Variants in PNPLA7 observed in about 807,000 individuals in gnomAD.
The protein encoded by PNPLA7 is patatin-like phospholipase domain-containing protein 7.
In PNPLA7, 153 loss-of-function variants were observed where a neutral mutation model predicts 161.7. The ratio of observed to expected loss-of-function variants is 0.95; its 90% confidence interval spans 0.83 to 1.08. The LOEUF is 1.08. Ranked by LOEUF, PNPLA7 falls within the 50% of genes least tolerant of loss-of-function variation. The pLI is 0.00. For missense variants in PNPLA7, 1,739 were observed against 1,856.6 expected, an observed-to-expected ratio of 0.94 and a Z score of 1.16; for synonymous variants, 809 against 782.1, an observed-to-expected ratio of 1.03 and a Z score of -0.57.
Position 137,461,558 on chromosome 9 carries a change from G to A in PNPLA7, c.3819C>T (p.Pro1273=), listed in dbSNP as rs144146476. 4.4e-4 allele frequency: 714 copies of A among 1,612,506 alleles called. 1 individual carries two copies. Among genetic ancestry groups the A allele is most frequent in the Non-Finnish European group, 5.5e-4 (644 of 1,179,572 alleles). ...CACCATCCACCATGGCGGGCTTGGC[G>A]GGCTCAATGCGAGACACAATTTCGG... ...DLAEIVSRIE[P]AKPAMVDDES... The change falls in exon 33 of 35, where the codon CCC becomes CCT. Residue 1273 remains proline, a synonymous_variant. Coordinates refer to ENST00000406427, the MANE Select transcript of PNPLA7 (RefSeq NM_001098537.3).
chr9:137,474,304 A>C (rs1831840802), intron 25 of PNPLA7, among the ~76,000 whole-genome samples: 1 of 152,120 alleles, frequency 6.6e-6, no homozygotes, highest in Non-Finnish European at 1.5e-5. Flanking sequence ...CAGAAAACCA[A>C]CCAACTGTGC....
intron 8 of PNPLA7, among the ~76,000 whole-genome samples, chr9:137,536,046 A>C (rs1835869313): frequency 6.7e-6 from 1 of 149,222 alleles, no homozygotes; most frequent in Non-Finnish European, 1.5e-5. Context: ...CCAGCTACTC[A>C]GGAGGCTGAG....
chr9:137,519,903 G>T lies in PNPLA7; in HGVS notation c.1084+14C>A. 6.2e-7 allele frequency: 1 copy of T among 1,609,928 alleles called. No homozygotes were observed. The highest frequency in any genetic ancestry group is 8.5e-7 in the Non-Finnish European group (1 of 1,178,476). ...CTGGGGCTGGACATTGCCCTCCTTG[G>T]TGCAGGACAGTACCTGAGTCACAGG... is the stretch of plus-strand genomic sequence containing the variant. On this transcript the variant is annotated intron_variant, in intron 11 of 34. Coordinates refer to ENST00000406427, the MANE Select transcript of PNPLA7 (RefSeq NM_001098537.3).
At position 137,523,269 on chromosome 9, in the gene PNPLA7, T is replaced by C. The variant is rs113061163; in HGVS notation, c.748-412A>G. On this transcript the variant is annotated intron_variant, in intron 8 of 34. Coordinates refer to ENST00000406427, the MANE Select transcript of PNPLA7 (RefSeq NM_001098537.3). This position sits in a 1 kb window ranked among gnomAD's most constrained non-coding sequence, Gnocchi z 4.4. ...CAGACACCAACCTGAGCGGGCTTCC[T>C]AAAAAGGCCACCGAGAGGGTCAGGA... is the stretch of plus-strand genomic sequence containing the variant. Among the ~76,000 whole-genome samples, 237 of 151,986 alleles carry C rather than the reference T, an allele frequency of 1.6e-3. 2 individuals are homozygous for C. Among genetic ancestry groups the C allele is most frequent in the African/African-American group, 5.5e-3 (226 of 41,450 alleles).
At chr9:137,529,294 C>A (rs1023978919) in intron 8 of PNPLA7, among the ~76,000 whole-genome samples, 1 of 152,236 alleles carries the variant, frequency 6.6e-6, no homozygotes, top group Non-Finnish European at 1.5e-5. Flanking sequence ...TTCGCCCAGG[C>A]CAACCTTCTG....
At chr9:137,498,769 A>G (rs1833211422) in intron 16 of PNPLA7, among the ~76,000 whole-genome samples, 1 of 151,944 alleles carries the variant, frequency 6.6e-6, no homozygotes, top group African/African-American at 2.4e-5. Flanking sequence ...GTCGAGGGTG[A>G]GGGCTGCAGC....
chr9:137,479,246 G>T lies in PNPLA7; in HGVS notation c.2581-8C>A. 1 of 1,522,574 alleles carries T rather than the reference G, an allele frequency of 6.6e-7. No homozygotes were observed. 94.3% of individuals were successfully genotyped at this position (1,522,574 alleles called of 1,614,324 possible). On this transcript the variant is annotated splice_region_variant and splice_polypyrimidine_tract_variant and intron_variant, in intron 23 of 34. Coordinates refer to ENST00000406427, the MANE Select transcript of PNPLA7 (RefSeq NM_001098537.3). The stretch of plus-strand genomic sequence containing the variant: ...CTCCAGCATCCGCTCCAGCTGAAAG[G>T]CAGAGCCCACGTGTCTGCCAGCCGG...
chr9:137,509,500 C>T (rs146922733), intron 12 of PNPLA7: 12 of 235,822 alleles, frequency 5.1e-5, no homozygotes, highest in African/African-American at 2.1e-4. Flanking sequence ...GTTTAGCCGG[C>T]GTGAGTGAGT....
chr9:137,469,175 G>A (rs371689262), intron 25 of PNPLA7, among the ~76,000 whole-genome samples: 1 of 152,226 alleles, frequency 6.6e-6, no homozygotes, highest in Non-Finnish European at 1.5e-5. Flanking sequence ...CAATGAGTGG[G>A]TCTAACGGCA....
In PNPLA7 at chr9:137,495,039, G is replaced by C; in HGVS notation, c.2121C>G (p.Tyr707Ter). ...AGALTSIKRR[Y>*]PQVVTRLIHL... ...TCACCCACGCCATGCTCACCTGTGG[G>C]TACCTGCGCTTGATGGACGTGAGGG... Residue 707 changes from tyrosine (Y) to a stop codon, truncating the protein, a stop_gained, in exon 19 of 35, where the codon TAC (tyrosine) becomes TAG (stop). Coordinates refer to ENST00000406427, the MANE Select transcript of PNPLA7 (RefSeq NM_001098537.3). LOFTEE classifies it high-confidence loss of function. 6.2e-7 allele frequency: 1 copy of C among 1,608,974 alleles called. No individual in the cohort carries two copies. Among genetic ancestry groups the C allele is most frequent in the Non-Finnish European group, 8.5e-7 (1 of 1,178,292 alleles).
At chr9:137,531,972 G>A (rs1480663676) in intron 8 of PNPLA7, among the ~76,000 whole-genome samples, 1 of 152,166 alleles carries the variant, frequency 6.6e-6, no homozygotes, top group African/African-American at 2.4e-5. Context: ...CTGCTATGTT[G>A]TCTGGGCTGG....
chr9:137,501,561 G>T, intron 15 of PNPLA7, 89 bp downstream of exon 15: 1 of 1,281,930 alleles, frequency 7.8e-7, no homozygotes, highest in Non-Finnish European at 1.1e-6. Flanking sequence ...AGTCACTGGT[G>T]TCCAGTCCAG....
In PNPLA7 at chr9:137,520,052, CAAG is replaced by C; in HGVS notation, c.958-12_958-10del. 1 of 1,611,850 alleles carries C rather than the reference CAAG, an allele frequency of 6.2e-7. No individual in the cohort carries two copies. Among genetic ancestry groups the C allele is most frequent in the Non-Finnish European group, 8.5e-7 (1 of 1,179,752 alleles). ...GGGATGGCCTGGCTCTCCTGGGACA[CAAG>C]AAGGAAGTTCAGTGCCACCCCAGGA... On this transcript the variant is annotated splice_polypyrimidine_tract_variant and intron_variant, in intron 10 of 34. Coordinates refer to ENST00000406427, the MANE Select transcript of PNPLA7 (RefSeq NM_001098537.3). The surrounding 1 kb of genome is among the most constrained non-coding windows in gnomAD (Gnocchi z 5.2).
intron 23 of PNPLA7, chr9:137,479,952 A>C (rs1832130236): frequency 2.1e-6 from 2 of 942,448 alleles, no homozygotes; most frequent in South Asian, 4.9e-5. Flanking sequence ...AACAGGAACG[A>C]CGCCGACACC....
intron 1 of PNPLA7, among the ~76,000 whole-genome samples, chr9:137,548,064 A>G (rs945071889): frequency 1.3e-5 from 2 of 152,166 alleles, no homozygotes. Flanking sequence ...TTCTGAGAAC[A>G]TTCAACACCA....
intron 26 of PNPLA7, 185 bp from the exon 27 acceptor site, chr9:137,464,641 G>A (rs1831382673): frequency 6.6e-6 from 4 of 610,540 alleles, no homozygotes; most frequent in Admixed American, 2.8e-5. Context: ...GCTGGTGGTC[G>A]CCCCAGGGCC....
Position 137,497,287 on chromosome 9 carries a change from G to A in PNPLA7, c.1913C>T (p.Thr638Met), listed in dbSNP as rs146316175. Reference protein sequence around the residue: ...IYRQGDKSDCTYIMLSGRLRS... With the variant: ...IYRQGDKSDCMYIMLSGRLRS... ...CAGCCGGCCGCTGAGCATGATGTACGTGCAGTCGGACTTGTCCCCCTGCCT... is the reference window on the plus strand; with the variant it reads ...CAGCCGGCCGCTGAGCATGATGTACATGCAGTCGGACTTGTCCCCCTGCCT... The change falls in exon 18 of 35, where the codon ACG (threonine) becomes ATG (methionine). Residue 638 changes from threonine to methionine, a missense_variant. Physicochemically the swap from Thr to Met is moderately conservative, Grantham distance 81 (BLOSUM62 -1). Transcript: ENST00000406427. 216 of 1,580,612 alleles carry A rather than the reference G, an allele frequency of 1.4e-4. No homozygotes were observed. The African/African-American group carries it at 1.9e-3, about 14-fold the overall frequency.
At position 137,461,060 on chromosome 9, in the gene PNPLA7, C is replaced by G. The variant is rs888461510; in HGVS notation, c.3842-323G>C. On this transcript the variant is annotated intron_variant, in intron 33 of 34. Coordinates refer to ENST00000406427, the MANE Select transcript of PNPLA7 (RefSeq NM_001098537.3). ...AACTGTGGATAGGGGCTGCCTTGCC[C>G]AGGGCCCTCTCGGCCTGCGGCAGCC... 3.6e-5 allele frequency: 14 copies of G among 383,600 alleles called. No homozygotes were observed. In the Admixed American group the frequency reaches 5.8e-4, roughly 16 times the overall value. The allele number at this position is 383,600 out of a possible 1,614,324, so 23.8% of individuals were successfully genotyped here.
chr9:137,460,126 T>C lies in PNPLA7; in HGVS notation c.*267A>G. 2 of 377,136 alleles carry C rather than the reference T, an allele frequency of 5.3e-6. No individual in the cohort carries two copies. Among genetic ancestry groups the C allele is most frequent in the Non-Finnish European group, 1.0e-5 (2 of 200,976 alleles). The allele number at this position is 377,136 out of a possible 1,614,324, so 23.4% of individuals were successfully genotyped here. On this transcript the variant is annotated 3_prime_UTR_variant, in exon 35 of 35. Coordinates refer to ENST00000406427, the MANE Select transcript of PNPLA7 (RefSeq NM_001098537.3). Reference sequence around the variant, plus strand: ...GGGCCTCACAGGGCTTCGGGGGGCCTCACAGGGCTGCAGGGGGTTCACAGA... The same window carrying C: ...GGGCCTCACAGGGCTTCGGGGGGCCCCACAGGGCTGCAGGGGGTTCACAGA...
Sources: allele counts gnomAD v4.1 joint callset (sites outside exome capture counted in the v4.1 genomes callset), GRCh38; gene constraint gnomAD v4.1.1; non-coding constraint Gnocchi (gnomAD v3.1); transcripts MANE v1.5; gene names NCBI Gene and HGNC (gene_info 2026-07-23, HGNC 2026-07-21).